The following RIMBP2 variants were observed in gnomAD, a reference collection of about 807,000 sequenced individuals.
RIMBP2 encodes RIMS binding protein 2.
RIMBP2 carries 48 observed loss-of-function variants against 118.6 expected under a neutral mutation model. That is an observed-to-expected ratio of 0.40 (90% CI 0.32 to 0.51). RIMBP2 has a LOEUF of 0.51. Ranked by LOEUF, RIMBP2 falls within the 20% of genes least tolerant of loss-of-function variation. The pLI is 0.41. For synonymous variants in RIMBP2, 762 were observed against 742.9 expected (o/e 1.03, Z -0.42); for missense variants, 1,551 against 1,768.3 (o/e 0.88, Z 2.20).
rs755615114 is a variant in RIMBP2 at position 130,412,769 on chromosome 12, C to T, written c.3439G>A (p.Ala1147Thr). 17 of 1,613,124 alleles carry T rather than the reference C, an allele frequency of 1.1e-5. No individual in the cohort carries two copies. The highest frequency in any genetic ancestry group is 1.3e-5 in the African/African-American group (1 of 74,796). ...GTTTCCCCACGGTAGAATCCATCAG[C>T]GTCTTTATCACCATAAACCTAGAGC... ...QIIKVYGDKD[A>T]DGFYRGETCA... The change falls in exon 19 of 23, where the codon GCT becomes ACT. Residue 1147 changes from alanine (A) to threonine (T), a missense_variant. Coordinates refer to ENST00000690449, the MANE Select transcript of RIMBP2 (RefSeq NM_001393629.1).
intron 1 of RIMBP2, among the ~76,000 whole-genome samples, chr12:130,682,625 T>C (rs894878153): frequency 6.6e-6 from 1 of 152,224 alleles, no homozygotes; most frequent in South Asian, 2.1e-4. Context: ...TCCAAAAAAT[T>C]CAAAACATAT....
At chr12:130,609,173 T>C (rs1042463413) in intron 2 of RIMBP2, among the ~76,000 whole-genome samples, 6 of 151,894 alleles carry the variant, frequency 4.0e-5, no homozygotes, top group African/African-American at 1.5e-4. Context: ...CCAAAGAAAA[T>C]GAACTGAGTC....
intron 2 of RIMBP2, among the ~76,000 whole-genome samples, chr12:130,568,474 A>C (rs1367121899): frequency 6.6e-6 from 1 of 152,242 alleles, no homozygotes; most frequent in East Asian, 1.9e-4. Flanking sequence ...GGCCAGTCCC[A>C]GAGAGCCGTG....
At chr12:130,579,969 G>C (rs1005010935) in intron 2 of RIMBP2, among the ~76,000 whole-genome samples, 1 of 149,540 alleles carries the variant, frequency 6.7e-6, no homozygotes, top group East Asian at 2.0e-4. Flanking sequence ...GATCACCTGA[G>C]GTCAGGAGTT....
At chr12:130,505,245 G>A (rs1038710012) in intron 4 of RIMBP2, among the ~76,000 whole-genome samples, 5 of 152,130 alleles carry the variant, frequency 3.3e-5, no homozygotes, top group Non-Finnish European at 7.4e-5. Flanking sequence ...AGGGCCGGTA[G>A]TCAGAGAATA....
At chr12:130,441,777 C>A in intron 11 of RIMBP2, 71 bp downstream of exon 11, 1 of 1,373,648 alleles carries the variant, frequency 7.3e-7, no homozygotes, top group Non-Finnish European at 1.0e-6. Context: ...GCCCCACCTT[C>A]CCTCCCCACT....
chr12:130,601,802 C>T (rs2059897616), intron 2 of RIMBP2, among the ~76,000 whole-genome samples: 1 of 152,182 alleles, frequency 6.6e-6, no homozygotes, highest in Admixed American at 6.6e-5. Context: ...TGGAGGAGCA[C>T]ATTAATTTAA....
intron 19 of RIMBP2, among the ~76,000 whole-genome samples, chr12:130,409,281 G>C (rs889372598): frequency 1.4e-5 from 2 of 141,348 alleles, no homozygotes; most frequent in Non-Finnish European, 3.1e-5. Flanking sequence ...TCCTGTCCCA[G>C]ACCTTGACCC....
At chr12:130,639,323 A>G (rs1024782720) in intron 1 of RIMBP2, among the ~76,000 whole-genome samples, 2 of 150,192 alleles carry the variant, frequency 1.3e-5, no homozygotes, top group Non-Finnish European at 1.5e-5. Context: ...CGGGAGGTAG[A>G]AGTTGCATTG....
At chr12:130,413,208 G>A (rs187224212) in intron 18 of RIMBP2, among the ~76,000 whole-genome samples, 53 of 152,292 alleles carry the variant, frequency 3.5e-4, no homozygotes, top group African/African-American at 8.4e-4. Context: ...CAGGCATTCC[G>A]ACCGTTCTCA....
At chr12:130,626,618 C>G (rs1419662375) in intron 2 of RIMBP2, among the ~76,000 whole-genome samples, 1 of 151,652 alleles carries the variant, frequency 6.6e-6, no homozygotes, top group Non-Finnish European at 1.5e-5. Context: ...CCTCCATCAC[C>G]ACGACTACCA....
chr12:130,656,026 G>T (rs1057061522), intron 1 of RIMBP2, among the ~76,000 whole-genome samples: 1 of 152,250 alleles, frequency 6.6e-6, no homozygotes, highest in Admixed American at 6.5e-5. Context: ...CTTAGAGCAT[G>T]GGTTCCAGCA....
Position 130,426,711 on chromosome 12 carries a change from G to T in RIMBP2, c.2412+1468C>A, listed in dbSNP as rs370815713. On this transcript the variant is annotated intron_variant, in intron 15 of 22. Transcript: ENST00000690449. ...AGGGAGTGGGGCTGTGCCTGTGGGG[G>T]TGGGGCTCAGCCCAGGAACTTTATG... The T allele has an allele frequency of 1.1e-4, 17 of 152,524 alleles. 1 individual carries two copies. The highest frequency in any genetic ancestry group is 2.9e-4 in the African/African-American group (12 of 41,600). 9.4% of individuals were successfully genotyped at this position (152,524 alleles called of 1,614,324 possible). A position where few individuals can be genotyped will look rare whatever the true frequency, so the allele number is the denominator to read the frequency against.
intron 2 of RIMBP2, among the ~76,000 whole-genome samples, chr12:130,575,296 C>T (rs1045083356): frequency 1.4e-5 from 2 of 142,906 alleles, no homozygotes; most frequent in Non-Finnish European, 3.0e-5. Context: ...CAACAGTGAA[C>T]AGAAGTTCCC....
At chr12:130,437,595 GGAGTGAGTGT>G (rs988608214) in intron 12 of RIMBP2, among the ~76,000 whole-genome samples, 4 of 152,220 alleles carry the variant, frequency 2.6e-5, no homozygotes, top group Admixed American at 1.3e-4. Context: ...GCCAGAGAGG[GGAGTGAGTGT>G]CAGGTTTATT....
chr12:130,431,400 C>A lies in RIMBP2; in HGVS notation c.2254-3063G>T, dbSNP rs1261546287. On this transcript the variant is annotated intron_variant, in intron 14 of 22. Coordinates refer to ENST00000690449, the MANE Select transcript of RIMBP2 (RefSeq NM_001393629.1). The surrounding 1 kb of genome is among the most constrained non-coding windows in gnomAD (Gnocchi z 4.0). ...GGCAGTCTGTGCACCAGCTCAACTT[C>A]AGTCACTCCCTACCACTGTCATGAT... 1 of 389,516 alleles carries A rather than the reference C, an allele frequency of 2.6e-6. No individual in the cohort carries two copies. The allele number at this position is 389,516 out of a possible 1,614,324, so 24.1% of individuals were successfully genotyped here.
rs372411438 is a variant in RIMBP2 at position 130,478,978 on chromosome 12, C to T, written c.36G>A (p.Gln12=). 142 of 1,613,854 alleles carry T rather than the reference C, an allele frequency of 8.8e-5. No homozygotes were observed. Among genetic ancestry groups the T allele is most frequent in the Non-Finnish European group, 1.1e-4 (133 of 1,179,976 alleles). Residue 12 remains glutamine, a synonymous_variant, in exon 5 of 23, where the codon CAG becomes CAA. Transcript: ENST00000690449. ...REAAERRQQL[Q]LEHDQALAVL... is the part of the protein sequence containing the mutation. ...CAGCCAGGGCCTGGTCATGCTCCAA[C>T]TGCAGCTGCTGCCGCCGTTCAGCCG...
chr12:130,399,189 T>TA (rs1565975096), intron 22 of RIMBP2: 6 of 1,254,210 alleles, frequency 4.8e-6, no homozygotes, highest in Non-Finnish European at 6.2e-6. Flanking sequence ...AGCAAAGAAA[T>TA]AAAAATATAT....
Position 130,412,639 on chromosome 12 carries a change from T to C in RIMBP2, c.3569A>G (p.Asn1190Ser). Residue 1190 changes from asparagine (N) to serine (S), a missense_variant, in exon 19 of 23, where the codon AAT (asparagine) becomes AGT (serine). Transcript: ENST00000690449. Reference protein sequence around the residue: ...QLLRQGFLPLNTPVEKIERSR... With the variant: ...QLLRQGFLPLSTPVEKIERSR... ...CTTACCTATTTTCTCCACAGGTGTA[T>C]TCAGAGGGAGAAAGCCCTGTCTAAG... The C allele has an allele frequency of 6.2e-7, 1 of 1,614,074 alleles. No individual in the cohort carries two copies. The highest frequency in any genetic ancestry group is 8.5e-7 in the Non-Finnish European group (1 of 1,180,018).
Sources: gnomAD v4.1 joint callset for allele counts (sites outside exome capture counted in the v4.1 genomes callset) on GRCh38, gnomAD v4.1.1 for gene constraint, Gnocchi (gnomAD v3.1) non-coding constraint, MANE v1.5 for transcripts, NCBI Gene and HGNC (gene_info 2026-07-23, HGNC 2026-07-21) for gene names.